The following ARMC12 variants were observed in gnomAD, a reference collection of about 807,000 sequenced individuals.
ARMC12 encodes the protein armadillo repeat containing 12, also known as armadillo repeat-containing protein 12.
In ARMC12, 25 loss-of-function variants were observed where a neutral mutation model predicts 37.4. The ratio of observed to expected loss-of-function variants is 0.67; its 90% CI spans 0.49 to 0.93. The LOEUF is 0.93. Ranked by LOEUF, ARMC12 falls within the 40% of genes least tolerant of loss-of-function variation. ARMC12 has a pLI of 0.00. For synonymous variants in ARMC12, 167 were observed against 176.1 expected (o/e 0.95, Z 0.41); for missense variants, 384 against 426.6 (o/e 0.90, Z 0.88).
chr6:35,731,554 C>T, the ARMC12 span, among the ~76,000 whole-genome samples: 4 of 152,134 alleles, frequency 2.6e-5, no homozygotes, highest in Non-Finnish European at 5.9e-5. Flanking sequence ...TGCCCTGGGC[C>T]CCTCCGCATC....
chr6:35,739,515 A>G (rs1767101087), intron 3 of ARMC12, among the ~76,000 whole-genome samples: 1 of 150,486 alleles, frequency 6.6e-6, no homozygotes, highest in Non-Finnish European at 1.5e-5. Context: ...TTCAGATCCC[A>G]ATAAACTTGT....
In ARMC12 at chr6:35,738,286, T is replaced by TGGGGG. The variant is rs56101324; in HGVS notation, c.310-92_310-88dup. 3.8e-4 allele frequency: 403 copies of TGGGGG among 1,062,634 alleles called. 2 individuals carry two copies. The highest frequency in any genetic ancestry group is 2.0e-3 in the African/African-American group (88 of 43,388). 65.8% of individuals were successfully genotyped at this position (1,062,634 alleles called of 1,614,324 possible). Reference sequence around the variant, plus strand: ...GGGACCTCTCTCTGGCTGATAGCGGTGGGGGGGGGGTGTGCGGAGGGATCT... The same window carrying TGGGGG: ...GGGACCTCTCTCTGGCTGATAGCGGTGGGGGGGGGGGGGGGTGTGCGGAGGGATCT... On this transcript the variant is annotated intron_variant, in intron 2 of 5. Coordinates refer to ENST00000373866, the MANE Select transcript of ARMC12 (RefSeq NM_001286574.2).
At chr6:35,741,484 G>A (rs1039348003) in intron 3 of ARMC12, among the ~76,000 whole-genome samples, 9 of 150,900 alleles carry the variant, frequency 6.0e-5, no homozygotes, top group Non-Finnish European at 7.4e-5. Flanking sequence ...GCACGATCTC[G>A]GCTCACTACA....
chr6:35,735,534 A>G (rs529642663), upstream of ARMC12, among the ~76,000 whole-genome samples: 65 of 152,130 alleles, frequency 4.3e-4, no homozygotes, highest in Non-Finnish European at 7.4e-4. The surrounding 1 kb of genome is among the most constrained non-coding windows in gnomAD (Gnocchi z 4.0). Context: ...CTGTTTCCCT[A>G]CCTCCTTCCA....
At chr6:35,743,221 T>TC (rs1384600995) in intron 3 of ARMC12, among the ~76,000 whole-genome samples, 3 of 151,696 alleles carry the variant, frequency 2.0e-5, no homozygotes, top group African/African-American at 4.8e-5. Context: ...TCTTACTTTT[T>TC]TTTTTTTTTT....
chr6:35,746,347 A>G (rs1767337281), intron 3 of ARMC12, among the ~76,000 whole-genome samples: 1 of 152,300 alleles, frequency 6.6e-6, no homozygotes, highest in East Asian at 1.9e-4. Flanking sequence ...GTAAGAGGCC[A>G]TTGTGATGGG....
chr6:35,742,285 G>A (rs1336577197), intron 3 of ARMC12, among the ~76,000 whole-genome samples: 1 of 151,524 alleles, frequency 6.6e-6, no homozygotes, highest in Non-Finnish European at 1.5e-5. Flanking sequence ...GATCACCTGA[G>A]GTCAGTTCGA....
At chr6:35,741,938 A>T (rs1363727143) in intron 3 of ARMC12, among the ~76,000 whole-genome samples, 1 of 151,674 alleles carries the variant, frequency 6.6e-6, no homozygotes, top group African/African-American at 2.4e-5. Flanking sequence ...GCTTACTGCA[A>T]CCTCCACCTC....
chr6:35,732,712 G>A (rs568070287), upstream of ARMC12, among the ~76,000 whole-genome samples: 4 of 152,216 alleles, frequency 2.6e-5, no homozygotes, highest in East Asian at 1.9e-4. Flanking sequence ...TGAGGAAGGG[G>A]CCTTAGGATT....
Position 35,747,558 on chromosome 6 carries a change from ACT to A in ARMC12, c.619-15_619-14del, listed in dbSNP as rs376912466. 7.5e-3 allele frequency: 12,044 copies of A among 1,613,852 alleles called. 57 individuals carry two copies. Among genetic ancestry groups the A allele is most frequent in the Non-Finnish European group, 9.0e-3 (10,603 of 1,179,858 alleles). On this transcript the variant is annotated splice_polypyrimidine_tract_variant and intron_variant, in intron 4 of 5. Transcript: ENST00000373866. ...AGACTCACCTGCCTTCTCATGCTTT[ACT>A]CTTTCCTTTATTCAGGTGCAAGCCG... is the stretch of plus-strand genomic sequence containing the variant.
At position 35,738,580 on chromosome 6, in the gene ARMC12, G is replaced by A. The variant is rs1042629395; in HGVS notation, c.444+62G>A. 6.3e-6 allele frequency: 10 copies of A among 1,577,922 alleles called. No individual in the cohort carries two copies. The Admixed American group carries it at 1.6e-4, about 25-fold the overall frequency. The stretch of plus-strand genomic sequence containing the variant: ...TCTATAGTCCTTAAGTCCTTTAATT[G>A]CCATAGGATAAATGGTCATGTTCCA... On this transcript the variant is annotated intron_variant, in intron 3 of 5. Transcript: ENST00000373866.
intron 3 of ARMC12, 121 bp from the exon 4 acceptor site, chr6:35,747,140 G>A (rs367926146): frequency 1.9e-6 from 2 of 1,067,286 alleles, no homozygotes; most frequent in South Asian, 2.0e-5. Flanking sequence ...GAGAGTTAGG[G>A]AGAATTGTCT....
chr6:35,734,723 G>T (rs1007073316), upstream of ARMC12, among the ~76,000 whole-genome samples: 6 of 151,984 alleles, frequency 3.9e-5, no homozygotes, highest in Admixed American at 3.9e-4. Flanking sequence ...GATTGCTTGA[G>T]TCTGGGAGGC....
At chr6:35,733,490 C>T (rs1287066201), upstream of ARMC12, among the ~76,000 whole-genome samples, 1 of 152,144 alleles carries the variant, frequency 6.6e-6, no homozygotes, top group African/African-American at 2.4e-5. Context: ...AAGGAGATCA[C>T]AAAGCTAAGT....
chr6:35,746,966 T>C (rs1216667346), intron 3 of ARMC12, among the ~76,000 whole-genome samples: 2 of 148,440 alleles, frequency 1.3e-5, no homozygotes, highest in Non-Finnish European at 3.0e-5. Flanking sequence ...ATGTGGATCG[T>C]ATTTAACACT....
upstream of ARMC12, among the ~76,000 whole-genome samples, chr6:35,732,051 G>T (rs995740319): frequency 6.6e-6 from 1 of 152,212 alleles, no homozygotes; most frequent in Non-Finnish European, 1.5e-5. Flanking sequence ...GATGCGCGCG[G>T]GGGGAGGAGG....
At chr6:35,744,591 C>T (rs1353410625) in intron 3 of ARMC12, among the ~76,000 whole-genome samples, 1 of 151,848 alleles carries the variant, frequency 6.6e-6, no homozygotes, top group African/African-American at 2.4e-5. Context: ...CCCATCTCTA[C>T]TAAAAATACA....
At chr6:35,743,538 C>T (rs182051952) in intron 3 of ARMC12, among the ~76,000 whole-genome samples, 3 of 152,178 alleles carry the variant, frequency 2.0e-5, no homozygotes, top group African/African-American at 4.8e-5. Flanking sequence ...ATCCTAGAAC[C>T]GAAGATCCCT....
In ARMC12 at chr6:35,747,576, G is replaced by A; in HGVS notation, c.619G>A (p.Val207Met). The change falls in exon 5 of 6, where the codon GTG (valine) becomes ATG (methionine). Residue 207 changes from valine (V) to methionine (M), a missense_variant and splice_region_variant. Coordinates refer to ENST00000373866, the MANE Select transcript of ARMC12 (RefSeq NM_001286574.2). ...ILQSDYILAQ[V>M]QAVRLLSYLA... ...ATGCTTTACTCTTTCCTTTATTCAG[G>A]TGCAAGCCGTACGACTGCTGAGCTA... 6.2e-7 allele frequency: 1 copy of A among 1,614,146 alleles called. No individual in the cohort carries two copies. The highest frequency in any genetic ancestry group is 8.5e-7 in the Non-Finnish European group (1 of 1,180,002).
Sources: gnomAD v4.1 joint callset for allele counts (sites outside exome capture counted in the v4.1 genomes callset) on GRCh38, gnomAD v4.1.1 for gene constraint, Gnocchi (gnomAD v3.1) non-coding constraint, MANE v1.5 for transcripts, NCBI Gene and HGNC (gene_info 2026-07-23, HGNC 2026-07-21) for gene names.